KLRF1: variants seen among roughly 807,000 people sequenced by gnomAD.
The protein encoded by KLRF1 is killer cell lectin-like receptor subfamily F member 1.
Under a neutral mutation model 30.7 loss-of-function variants are expected in KLRF1, and 27 were observed. The ratio of observed to expected loss-of-function variants is 0.88; its 90% confidence interval spans 0.65 to 1.21. The LOEUF is 1.21. KLRF1 is among the 50% of genes most tolerant of loss of function. KLRF1 has a pLI of 0.00. For synonymous variants in KLRF1, 92 were observed against 89.3 expected (o/e 1.03, Z -0.17); for missense variants, 246 against 259.3 (o/e 0.95, Z 0.35).
chr12:9,807,620 G>A, the KLRF1 span, among the ~76,000 whole-genome samples: 1 of 152,076 alleles, frequency 6.6e-6, no homozygotes, highest in African/African-American at 2.4e-5. Context: ...TATATACTTA[G>A]CTACATATTT....
At chr12:9,828,370 C>A (rs1045396594) in intron 1 of KLRF1, among the ~76,000 whole-genome samples, 1 of 152,096 alleles carries the variant, frequency 6.6e-6, no homozygotes, top group African/African-American at 2.4e-5. Flanking sequence ...CATGAGCCAC[C>A]GCGCCCAGCC....
At chr12:9,828,749 T>C (rs1165451746) in intron 1 of KLRF1, among the ~76,000 whole-genome samples, 2 of 152,172 alleles carry the variant, frequency 1.3e-5, no homozygotes, top group African/African-American at 4.8e-5. Flanking sequence ...TATTGCCTCT[T>C]CCATGTGAAT....
At chr12:9,826,691 T>TA (rs141732802), upstream of KLRF1, among the ~76,000 whole-genome samples, 2,130 of 152,046 alleles carry the variant, frequency 0.014, 42 homozygotes, top group African/African-American at 0.049. Flanking sequence ...TATGCAGCTA[T>TA]AAAAAAGAAT....
the KLRF1 span, among the ~76,000 whole-genome samples, chr12:9,815,376 C>T: frequency 8.7e-4 from 133 of 152,330 alleles, no homozygotes; most frequent in Non-Finnish European, 1.5e-3. Flanking sequence ...ACACTAACTT[C>T]TGAGAGAAGA....
chr12:9,832,656 AGTGTGTGT>A (rs58686028), intron 2 of KLRF1, among the ~76,000 whole-genome samples: 75 of 146,714 alleles, frequency 5.1e-4, no homozygotes, highest in African/African-American at 1.5e-3. Context: ...GTATGTGTAG[AGTGTGTGT>A]GTGTGTGTGT....
the KLRF1 span, among the ~76,000 whole-genome samples, chr12:9,812,005 A>G: frequency 6.6e-6 from 1 of 152,350 alleles, no homozygotes; most frequent in African/African-American, 2.4e-5. Flanking sequence ...TAGTTTGTAC[A>G]TAATCTCCAC....
chr12:9,836,158 G>A (rs765828527), intron 3 of KLRF1, among the ~76,000 whole-genome samples: 1 of 152,128 alleles, frequency 6.6e-6, no homozygotes, highest in South Asian at 2.1e-4. Context: ...GGGAGAGGTA[G>A]AGGGTGACAT....
At chr12:9,813,101 C>G in the KLRF1 span, among the ~76,000 whole-genome samples, 1 of 152,058 alleles carries the variant, frequency 6.6e-6, no homozygotes, top group African/African-American at 2.4e-5. Flanking sequence ...CTGCCAGTCT[C>G]ATGGCATTCC....
At chr12:9,835,827 G>A (rs965094592) in intron 3 of KLRF1, among the ~76,000 whole-genome samples, 1 of 152,066 alleles carries the variant, frequency 6.6e-6, no homozygotes, top group Non-Finnish European at 1.5e-5. Flanking sequence ...AAATATGGGG[G>A]GAGTAGAGTT....
the KLRF1 span, among the ~76,000 whole-genome samples, chr12:9,803,298 A>G: frequency 6.6e-6 from 1 of 152,130 alleles, no homozygotes; most frequent in Non-Finnish European, 1.5e-5. Flanking sequence ...TGCACCTTAT[A>G]CAAAAATTAA....
intron 3 of KLRF1, 77 bp downstream of exon 3, chr12:9,833,529 T>A: frequency 8.2e-7 from 1 of 1,222,206 alleles, no homozygotes; most frequent in South Asian, 2.3e-5. Context: ...TGAACAGGTA[T>A]GCAATAGATT....
chr12:9,839,069 G>A (rs918326754), intron 3 of KLRF1, among the ~76,000 whole-genome samples: 1 of 152,006 alleles, frequency 6.6e-6, no homozygotes, highest in African/African-American at 2.4e-5. Flanking sequence ...TCAGTTTGGG[G>A]TGCCACAGCT....
intron 2 of KLRF1, 98 bp from the exon 3 acceptor site, chr12:9,833,205 T>G: frequency 1.2e-6 from 1 of 817,604 alleles, no homozygotes; most frequent in Admixed American, 3.4e-5. Context: ...TTTCAATTAT[T>G]TCTTGTTCCA....
At chr12:9,816,404 A>G in the KLRF1 span, among the ~76,000 whole-genome samples, 1 of 152,224 alleles carries the variant, frequency 6.6e-6, no homozygotes, top group Non-Finnish European at 1.5e-5. Context: ...AGACAGCAAC[A>G]TATATTGGTA....
At chr12:9,827,068 A>G (rs1867296431), upstream of KLRF1, among the ~76,000 whole-genome samples, 1 of 152,226 alleles carries the variant, frequency 6.6e-6, no homozygotes. Context: ...AGCATGATTT[A>G]TAAACAATAT....
the KLRF1 span, among the ~76,000 whole-genome samples, chr12:9,813,669 A>G: frequency 6.6e-6 from 1 of 152,180 alleles, no homozygotes; most frequent in South Asian, 2.1e-4. Context: ...AGCATCTAAA[A>G]GAACACATTC....
intron 4 of KLRF1, 106 bp from the exon 5 acceptor site, chr12:9,842,215 A>G: frequency 3.4e-6 from 4 of 1,173,064 alleles, no homozygotes; most frequent in East Asian, 2.5e-5. Flanking sequence ...ATTGATTACC[A>G]TAAGAATCCC....
chr12:9,816,220 A>G, the KLRF1 span, among the ~76,000 whole-genome samples: 2 of 152,240 alleles, frequency 1.3e-5, no homozygotes, highest in African/African-American at 2.4e-5. Context: ...CATATTCCTT[A>G]TTAGAATAAT....
At chr12:9,822,905 G>A (rs1565501420), upstream of KLRF1, among the ~76,000 whole-genome samples, 2 of 152,234 alleles carry the variant, frequency 1.3e-5, no homozygotes, top group East Asian at 3.9e-4. Context: ...ATTCAATTCA[G>A]CGAGAAGACT....
Sources: allele counts gnomAD v4.1 joint callset (sites outside exome capture counted in the v4.1 genomes callset), GRCh38; gene constraint gnomAD v4.1.1; transcripts MANE v1.5; gene names NCBI Gene and HGNC (gene_info 2026-07-23, HGNC 2026-07-21).